Variants in AP3S1 observed in about 807,000 individuals in gnomAD.
AP3S1 encodes the protein AP-3 complex subunit sigma-1.
AP3S1 carries 12 observed loss-of-function variants against 21.3 expected under a neutral mutation model. The observed-to-expected ratio is 0.56, with a 90% confidence interval of 0.36 to 0.91. AP3S1 has a LOEUF of 0.91. Among genes scored for constraint, AP3S1 ranks in the 40% least tolerant of loss-of-function variants. The pLI is 0.01. For synonymous variants in AP3S1, 48 were observed against 78.4 expected, an observed-to-expected ratio of 0.61 and a Z score of 2.05; for missense variants, 116 against 225.0, an observed-to-expected ratio of 0.52 and a Z score of 3.10.
chr5:115,865,083 C>A (rs1763508900), intron 1 of AP3S1, among the ~76,000 whole-genome samples: 1 of 151,770 alleles, frequency 6.6e-6, no homozygotes, highest in South Asian at 2.1e-4. Flanking sequence ...TCAAGTATGC[C>A]TGCCTCTCCA....
chr5:115,866,780 AG>A lies in AP3S1; in HGVS notation c.161+20del. 7.2e-6 allele frequency: 11 copies of A among 1,517,890 alleles called. No homozygotes were observed. The highest frequency in any genetic ancestry group is 9.1e-6 in the Non-Finnish European group (10 of 1,104,746). 94.0% of individuals were successfully genotyped at this position (1,517,890 alleles called of 1,614,324 possible). On this transcript the variant is annotated intron_variant, in intron 2 of 5. Transcript: ENST00000316788. The stretch of plus-strand genomic sequence containing the variant: ...GAGGATTGTAAGTAAAGCATTTCAT[AG>A]ACATTTCTAAGTTTTGACTATGTGA...
Position 115,842,207 on chromosome 5 carries a change from G to T in AP3S1, c.69+101G>T. ...GAGCGACCCCCTCCGGCGCGCTGCG[G>T]CCCTTGTCCCGTCCCGGCCGCCTGG... On this transcript the variant is annotated intron_variant, in intron 1 of 5. Transcript: ENST00000316788. The T allele has an allele frequency of 5.6e-6, 8 of 1,436,340 alleles. No homozygotes were observed. In the South Asian group the frequency reaches 5.8e-5, roughly 10 times the overall value. 89.0% of individuals were successfully genotyped at this position (1,436,340 alleles called of 1,614,324 possible). A position where few individuals can be genotyped will look rare whatever the true frequency, so the allele number is the denominator to read the frequency against.
intron 3 of AP3S1, among the ~76,000 whole-genome samples, chr5:115,878,805 G>C (rs746309056): frequency 6.6e-6 from 1 of 152,070 alleles, no homozygotes; most frequent in South Asian, 2.1e-4. Context: ...CCATTTTCAC[G>C]ATACTGATTC....
At chr5:115,907,097 T>G in intron 5 of AP3S1, 2 of 768,756 alleles carry the variant, frequency 2.6e-6, no homozygotes, top group Non-Finnish European at 3.2e-6. Flanking sequence ...CTGCCTGCAT[T>G]GTAAAAGGAA....
At chr5:115,906,895 A>G in intron 5 of AP3S1, 1 of 1,468,798 alleles carries the variant, frequency 6.8e-7, no homozygotes, top group Non-Finnish European at 8.9e-7. Context: ...GTACTATAAC[A>G]AAGGGAAAGC....
At chr5:115,902,126 A>G (rs184577394) in intron 4 of AP3S1, among the ~76,000 whole-genome samples, 268 of 152,310 alleles carry the variant, frequency 1.8e-3, no homozygotes, top group African/African-American at 6.2e-3. Flanking sequence ...ATTCATACTT[A>G]TCTAATTTTG....
chr5:115,851,758 C>A (rs1762452203), intron 1 of AP3S1, among the ~76,000 whole-genome samples: 1 of 152,048 alleles, frequency 6.6e-6, no homozygotes, highest in Non-Finnish European at 1.5e-5. Context: ...TTCTCTGATT[C>A]TGTGGTTGCC....
At chr5:115,847,176 A>G (rs1372047657) in intron 1 of AP3S1, among the ~76,000 whole-genome samples, 1 of 152,140 alleles carries the variant, frequency 6.6e-6, no homozygotes, top group Admixed American at 6.5e-5. Context: ...TTCTTACCCT[A>G]ATCAACATCC....
chr5:115,881,501 T>G (rs545639828), intron 3 of AP3S1, among the ~76,000 whole-genome samples: 1 of 152,328 alleles, frequency 6.6e-6, no homozygotes, highest in Non-Finnish European at 1.5e-5. Flanking sequence ...GAAAATTCTT[T>G]AAGAATGTTG....
intron 1 of AP3S1, among the ~76,000 whole-genome samples, chr5:115,863,856 T>G (rs971799547): frequency 6.6e-6 from 1 of 152,048 alleles, no homozygotes; most frequent in African/African-American, 2.4e-5. Context: ...GAGGTTTGAG[T>G]TTAAAAATGT....
chr5:115,858,341 C>T (rs1239578065), intron 1 of AP3S1, among the ~76,000 whole-genome samples: 3 of 152,158 alleles, frequency 2.0e-5, no homozygotes, highest in African/African-American at 7.2e-5. Context: ...TGATTATATG[C>T]TTCATCACCT....
At chr5:115,875,740 G>T (rs1748658265) in intron 3 of AP3S1, among the ~76,000 whole-genome samples, 1 of 152,086 alleles carries the variant, frequency 6.6e-6, no homozygotes, top group South Asian at 2.1e-4. Context: ...ACATTATACT[G>T]TATTACCAGG....
At chr5:115,864,469 T>G (rs1211856234) in intron 1 of AP3S1, among the ~76,000 whole-genome samples, 3 of 152,210 alleles carry the variant, frequency 2.0e-5, no homozygotes, top group Non-Finnish European at 4.4e-5. Context: ...CACTTGGTAT[T>G]TATGGAAAGG....
intron 1 of AP3S1, among the ~76,000 whole-genome samples, chr5:115,849,764 AAGTC>A (rs1762305952): frequency 6.6e-6 from 1 of 152,136 alleles, no homozygotes; most frequent in South Asian, 2.1e-4. Flanking sequence ...ATGAAGGTAA[AAGTC>A]AGTGCATCAA....
intron 3 of AP3S1, among the ~76,000 whole-genome samples, chr5:115,885,282 C>T (rs1054051862): frequency 2.6e-5 from 4 of 152,062 alleles, no homozygotes; most frequent in African/African-American, 7.2e-5. Flanking sequence ...TACAATAGGC[C>T]GTCTGCAAGC....
At chr5:115,866,638 C>T in intron 1 of AP3S1, 32 bp from the exon 2 acceptor site, 1 of 1,444,894 alleles carries the variant, frequency 6.9e-7, no homozygotes, top group Non-Finnish European at 9.5e-7. Context: ...CTATACACTC[C>T]ATCCTAATAT....
chr5:115,856,132 C>A (rs181876294), intron 1 of AP3S1, among the ~76,000 whole-genome samples: 1 of 151,988 alleles, frequency 6.6e-6, no homozygotes. Flanking sequence ...CTTTTGACTT[C>A]GGTTGTGAAA....
chr5:115,898,997 AAGAT>A (rs1750991852), intron 4 of AP3S1, among the ~76,000 whole-genome samples: 1 of 152,182 alleles, frequency 6.6e-6, no homozygotes, highest in Non-Finnish European at 1.5e-5. Context: ...GAGAGAGCTA[AAGAT>A]TCTGTGCAGG....
intron 1 of AP3S1, among the ~76,000 whole-genome samples, chr5:115,844,786 T>C (rs1761935845): frequency 6.6e-6 from 1 of 152,178 alleles, no homozygotes; most frequent in Admixed American, 6.5e-5. Context: ...CCTCCTGGTT[T>C]TTAGGATTTT....
Sources: allele counts gnomAD v4.1 joint callset (sites outside exome capture counted in the v4.1 genomes callset), GRCh38; gene constraint gnomAD v4.1.1; transcripts MANE v1.5; gene names NCBI Gene and HGNC (gene_info 2026-07-23, HGNC 2026-07-21).